Variants in NCOR2 observed in about 807,000 individuals in gnomAD.
NCOR2 encodes the protein CTG repeat protein 26.
A neutral mutation model predicts 262.9 loss-of-function variants in NCOR2; 81 were observed. That is an observed-to-expected ratio of 0.31 (90% CI 0.26 to 0.37). NCOR2 has a LOEUF of 0.37. Among genes scored for constraint, NCOR2 ranks in the 10% least tolerant of loss-of-function variants. NCOR2 has a pLI of 1.00. For missense variants in NCOR2, 3,385 were observed against 3,621.4 expected, an observed-to-expected ratio of 0.93 and a Z score of 1.68; for synonymous variants, 1,659 against 1,559.3, an observed-to-expected ratio of 1.06 and a Z score of -1.51.
rs3040848 is a variant in NCOR2, at chr12:124,501,062, GCACACACACACACA to G, written c.-117-5708_-117-5695del. Among the ~76,000 whole-genome samples, 1,078 of 147,906 alleles carry G rather than the reference GCACACACACACACA, an allele frequency of 7.3e-3. 23 individuals carry two copies. The highest frequency in any genetic ancestry group is 0.043 in the Admixed American group (653 of 15,038). On this transcript the variant is annotated intron_variant, in intron 1 of 46. Transcript: ENST00000404621. ...ACGGCACGAGCGCGCGCGCACGCGCGCACACACACACACACACACACACACACACACACACACAC... is the reference window on the plus strand; with the variant it reads ...ACGGCACGAGCGCGCGCGCACGCGCGCACACACACACACACACACACACAC...
rs1439437931 is a variant in NCOR2 at position 124,561,116 on chromosome 12, C to A, written c.-165+6192G>T. Among the ~76,000 whole-genome samples, 2 of 152,192 alleles carry A rather than the reference C, an allele frequency of 1.3e-5. 1 individual carries two copies. Among genetic ancestry groups the A allele is most frequent in the Non-Finnish European group, 2.9e-5 (2 of 68,036 alleles). On this transcript the variant is annotated intron_variant, in intron 1 of 32. Transcript: ENST00000458234. ...CTGGGTCAGCCCCCATGAACCTGCA[C>A]AAAGGTTTTTCCACATGAGCTCAGC...
chr12:124,488,859 G>A (rs2047921075), intron 1 of NCOR2, among the ~76,000 whole-genome samples: 1 of 152,174 alleles, frequency 6.6e-6, no homozygotes, highest in African/African-American at 2.4e-5. Flanking sequence ...GCCAACCATG[G>A]TGGAGGAGGC....
At chr12:124,445,298 C>T (rs1022706367) in intron 7 of NCOR2, among the ~76,000 whole-genome samples, 1 of 152,172 alleles carries the variant, frequency 6.6e-6, no homozygotes, top group African/African-American at 2.4e-5. Context: ...GCCCATCCCT[C>T]GATGGAGCCC....
intron 7 of NCOR2, among the ~76,000 whole-genome samples, chr12:124,445,899 T>C (rs1445731606): frequency 6.6e-6 from 1 of 152,250 alleles, no homozygotes; most frequent in Non-Finnish European, 1.5e-5. Flanking sequence ...TGCTGAGCAC[T>C]GACCTTAGTG....
exon 2 of NCOR2, chr12:124,486,557 G>T: frequency 6.3e-7 from 1 of 1,577,288 alleles, no homozygotes. Context: ...GGTACTCCAG[G>T]AGCCCGACGT....
intron 27 of NCOR2, among the ~76,000 whole-genome samples, chr12:124,353,669 G>A (rs1160493192): frequency 2.0e-5 from 3 of 152,326 alleles, no homozygotes; most frequent in East Asian, 3.9e-4. Context: ...TGCACATGCT[G>A]TTCCCTGAGC....
At position 124,363,722 on chromosome 12, in the gene NCOR2, TC is replaced by T; in HGVS notation, c.2884del (p.Asp962ThrfsTer2). 1 of 1,411,266 alleles carries T rather than the reference TC, an allele frequency of 7.1e-7. No homozygotes were observed. Among genetic ancestry groups the T allele is most frequent in the Admixed American group, 2.6e-5 (1 of 38,270 alleles). The allele number at this position is 1,411,266 out of a possible 1,614,324, so 87.4% of individuals were successfully genotyped here. ...CGCTCGCTGCTTCAGCTGCTTCAGG[TC>T]CAGTGGCTTCTGGGGTGAGGCATTG... On this transcript the variant is annotated frameshift_variant, in exon 21 of 47. Transcript: ENST00000405201. LOFTEE classifies it high-confidence loss of function.
In NCOR2 at chr12:124,407,920, C is replaced by A. The variant is rs191900932; in HGVS notation, c.1483-5359G>T. The stretch of plus-strand genomic sequence containing the variant: ...GTGGGGCCAGGGGTCAGAGCCGAGG[C>A]AGAACAGGGTTCCCTGTTGCTGGCA... On this transcript the variant is annotated intron_variant, in intron 13 of 46. Transcript: ENST00000405201. 3.7e-4 allele frequency among the ~76,000 whole-genome samples: 56 copies of A among 152,328 alleles called. No individual in the cohort carries two copies. The South Asian group carries it at 6.4e-3, about 17-fold the overall frequency.
At chr12:124,511,528 T>C (rs2049392937) in intron 1 of NCOR2, among the ~76,000 whole-genome samples, 2 of 152,136 alleles carry the variant, frequency 1.3e-5, no homozygotes, top group South Asian at 4.1e-4. Flanking sequence ...GTCCGGGGCC[T>C]GGGGCAAAGC....
At chr12:124,494,466 C>A (rs986926595) in intron 1 of NCOR2, among the ~76,000 whole-genome samples, 4 of 152,208 alleles carry the variant, frequency 2.6e-5, no homozygotes, top group African/African-American at 4.8e-5. Context: ...AGAGAAGAGG[C>A]AGGAAATGGG....
chr12:124,330,694 C>T lies in NCOR2; in HGVS notation c.6958+151G>A, dbSNP rs1013733719. ...AGCCTCGCCTGCCTGTTGTGTGACT[C>T]TGAATCCTACTGTGCGGTTAGTTCA... is the stretch of plus-strand genomic sequence containing the variant. On this transcript the variant is annotated intron_variant, in intron 44 of 46. Coordinates refer to ENST00000405201, the Ensembl canonical transcript of NCOR2. 5 of 815,168 alleles carry T rather than the reference C, an allele frequency of 6.1e-6. No individual in the cohort carries two copies. The African/African-American group carries it at 8.6e-5, about 14-fold the overall frequency. The allele number at this position is 815,168 out of a possible 1,614,324, so 50.5% of individuals were successfully genotyped here.
intron 40 of NCOR2, 89 bp downstream of exon 42, chr12:124,335,046 A>T: frequency 6.3e-7 from 1 of 1,589,230 alleles, no homozygotes; most frequent in South Asian, 1.1e-5. Flanking sequence ...CCGCCAGGAC[A>T]GAAGGGCTGT....
rs1320005959 is a variant in NCOR2, at chr12:124,531,512, G to T, written c.-118+4053C>A. On this transcript the variant is annotated intron_variant, in intron 1 of 46. Transcript: ENST00000404621. This position sits in a 1 kb window ranked among gnomAD's most constrained non-coding sequence, Gnocchi z 4.5. Reference sequence around the variant, plus strand: ...AAGGAGGGAGGAGAAGGAGGGGTAGGGAGCAGGAAGGAAGGGGGAGGGGAG... The same window carrying T: ...AAGGAGGGAGGAGAAGGAGGGGTAGTGAGCAGGAAGGAAGGGGGAGGGGAG... 6.6e-6 allele frequency among the ~76,000 whole-genome samples: 1 copy of T among 152,182 alleles called. No individual in the cohort carries two copies. The highest frequency in any genetic ancestry group is 1.5e-5 in the Non-Finnish European group (1 of 68,030).
chr12:124,534,808 C>A (rs1048819960), intron 1 of NCOR2, among the ~76,000 whole-genome samples: 1 of 152,196 alleles, frequency 6.6e-6, no homozygotes, highest in Non-Finnish European at 1.5e-5. Context: ...CTCAGTTTCC[C>A]CACTTGTAAA....
At chr12:124,558,815 C>T (rs1017427575) in intron 1 of NCOR2, among the ~76,000 whole-genome samples, 2 of 152,120 alleles carry the variant, frequency 1.3e-5, no homozygotes, top group African/African-American at 2.4e-5. Flanking sequence ...CCCCTGAATG[C>T]CCTTCACTTC....
At chr12:124,336,777 G>T in exon 38 of NCOR2, 1 of 1,613,322 alleles carries the variant, frequency 6.2e-7, no homozygotes, top group Non-Finnish European at 8.5e-7. Flanking sequence ...TCCAGTTCCT[G>T]GATGGAAAAG....
At chr12:124,359,833 G>A (rs767804193) in intron 22 of NCOR2, among the ~76,000 whole-genome samples, 1 of 152,262 alleles carries the variant, frequency 6.6e-6, no homozygotes, top group Non-Finnish European at 1.5e-5. Context: ...TGGGAGCCAG[G>A]GGCAGAATAG....
At chr12:124,348,301 C>T in exon 29 of NCOR2, 1 of 1,608,884 alleles carries the variant, frequency 6.2e-7, no homozygotes, top group Non-Finnish European at 8.5e-7. Context: ...AGCACTGGGT[C>T]ACAGACATGC....
intron 20 of NCOR2, among the ~76,000 whole-genome samples, chr12:124,364,546 A>G (rs1318893971): frequency 6.6e-6 from 1 of 152,212 alleles, no homozygotes; most frequent in Non-Finnish European, 1.5e-5. Flanking sequence ...TGCTACTGAG[A>G]TGCGCGACCA....
Sources: gnomAD v4.1 joint callset for allele counts (sites outside exome capture counted in the v4.1 genomes callset) on GRCh38, gnomAD v4.1.1 for gene constraint, Gnocchi (gnomAD v3.1) non-coding constraint, MANE v1.5 for transcripts, NCBI Gene and HGNC (gene_info 2026-07-23, HGNC 2026-07-21) for gene names.